RFT1: variants seen among roughly 807,000 people sequenced by gnomAD.
The protein encoded by RFT1 is RFT1 glycolipid translocator homolog.
RFT1 carries 43 observed loss-of-function variants against 62.2 expected under a neutral mutation model. The observed-to-expected ratio is 0.69, with a 90% CI of 0.54 to 0.89. RFT1 has a LOEUF of 0.89. Among genes scored for constraint, RFT1 ranks in the 40% least tolerant of loss-of-function variants. The pLI, the probability that RFT1 is intolerant of heterozygous loss-of-function variation, is 0.00. For missense variants in RFT1, 605 were observed against 649.9 expected, an observed-to-expected ratio of 0.93 and a Z score of 0.75; for synonymous variants, 262 against 264.6, an observed-to-expected ratio of 0.99 and a Z score of 0.10.
chr3:53,072,978 T>TG, the RFT1 span, among the ~76,000 whole-genome samples: 1 of 152,222 alleles, frequency 6.6e-6, no homozygotes, highest in Non-Finnish European at 1.5e-5. Context: ...AAGCCGAGGC[T>TG]GGCCCCATGA....
intron 9 of RFT1, among the ~76,000 whole-genome samples, chr3:53,104,409 A>G (rs1006318948): frequency 7.2e-5 from 11 of 151,750 alleles, no homozygotes; most frequent in African/African-American, 2.2e-4. Context: ...TTAAATAGAA[A>G]TAGAGAAGGG....
At chr3:53,129,152 A>G (rs1702191284) in intron 1 of RFT1, among the ~76,000 whole-genome samples, 1 of 152,222 alleles carries the variant, frequency 6.6e-6, no homozygotes, top group African/African-American at 2.4e-5. Flanking sequence ...AATGGCTAAC[A>G]TTTACTAAGC....
At chr3:53,128,860 G>C (rs765218882) in intron 1 of RFT1, among the ~76,000 whole-genome samples, 2 of 152,152 alleles carry the variant, frequency 1.3e-5, no homozygotes, top group Non-Finnish European at 2.9e-5. Context: ...TAAATTATTT[G>C]ACACTAAAAA....
rs1323482757 is a variant in RFT1, at chr3:53,090,620, G to A, written c.*1283C>T. 1 of 152,214 alleles carries A rather than the reference G, an allele frequency of 6.6e-6. No individual in the cohort carries two copies. The highest frequency in any genetic ancestry group is 1.5e-5 in the Non-Finnish European group (1 of 68,054). The allele number at this position is 152,214 out of a possible 1,614,324, so 9.4% of individuals were successfully genotyped here. ...CAGATTTAAATACATGCATTTTAAT[G>A]CATGATAGGAGTTGCCCTTACTGGC... On this transcript the variant is annotated 3_prime_UTR_variant, in exon 13 of 13. Transcript: ENST00000296292.
chr3:53,126,095 T>C, intron 1 of RFT1, 101 bp from the exon 2 acceptor site: 2 of 941,600 alleles, frequency 2.1e-6, no homozygotes, highest in South Asian at 2.8e-5. Context: ...TGTGATGTAA[T>C]GACATACAGC....
At chr3:53,105,616 C>T (rs1477052316) in intron 9 of RFT1, 57 bp downstream of exon 9, 11 of 1,590,782 alleles carry the variant, frequency 6.9e-6, no homozygotes, top group Non-Finnish European at 8.6e-6. Context: ...ACACTCCTGT[C>T]TGTCTTGCAA....
chr3:53,122,303 A>C, intron 4 of RFT1, 71 bp downstream of exon 4: 1 of 1,423,726 alleles, frequency 7.0e-7, no homozygotes, highest in South Asian at 1.2e-5. Flanking sequence ...CTCTCCTATA[A>C]AAGCATTTTT....
chr3:53,104,031 T>G lies in RFT1; in HGVS notation c.1024A>C (p.Thr342Pro). ...TAGGCAAAGCCAAAAACAGTGATGG[T>G]CAGGCCGGCCAGCAGGGCCAGCTTG... ...LLKLALLAGL[T>P]ITVFGFAYSQ... The change falls in exon 10 of 13, where the codon ACC (threonine) becomes CCC (proline). Residue 342 changes from threonine to proline, a missense_variant. By Grantham distance (38) the Thr-to-Pro change is conservative. Coordinates refer to ENST00000296292, the MANE Select transcript of RFT1 (RefSeq NM_052859.4). 1.9e-6 allele frequency: 3 copies of G among 1,614,146 alleles called. No homozygotes were observed. The highest frequency in any genetic ancestry group is 2.5e-6 in the Non-Finnish European group (3 of 1,180,022).
rs554913877 is a variant in RFT1 at position 53,098,135 on chromosome 3, G to A, written c.1208+1246C>T. Among the ~76,000 whole-genome samples, 5 of 152,340 alleles carry A rather than the reference G, an allele frequency of 3.3e-5. No homozygotes were observed. The East Asian group carries it at 5.8e-4, about 18-fold the overall frequency. The stretch of plus-strand genomic sequence containing the variant: ...AGTGCGTCCTAGGTCACAGTGCTCC[G>A]TGTCGTTTTTACTGTGAAAGCTGGT... On this transcript the variant is annotated intron_variant, in intron 11 of 12. Coordinates refer to ENST00000296292, the MANE Select transcript of RFT1 (RefSeq NM_052859.4).
chr3:53,074,897 C>T, the RFT1 span, among the ~76,000 whole-genome samples: 77 of 152,222 alleles, frequency 5.1e-4, no homozygotes, highest in Admixed American at 1.8e-3. Flanking sequence ...GGGTCTAGCC[C>T]GTGGGGAGAA....
At chr3:53,122,233 T>C in intron 4 of RFT1, 141 bp downstream of exon 4, 3 of 830,526 alleles carry the variant, frequency 3.6e-6, no homozygotes, top group Non-Finnish European at 6.1e-6. Context: ...AGAACTTAAC[T>C]GACCATGTTA....
intron 6 of RFT1, among the ~76,000 whole-genome samples, chr3:53,114,589 A>G (rs1701741694): frequency 6.6e-6 from 1 of 152,108 alleles, no homozygotes; most frequent in South Asian, 2.1e-4. Flanking sequence ...TTACCATTCT[A>G]TTCAGAATGG....
At chr3:53,069,669 C>T in the RFT1 span, among the ~76,000 whole-genome samples, 2 of 152,198 alleles carry the variant, frequency 1.3e-5, no homozygotes, top group Non-Finnish European at 2.9e-5. Flanking sequence ...AGTGCCTATG[C>T]TGGGGGTGGG....
chr3:53,081,346 G>C, the RFT1 span, among the ~76,000 whole-genome samples: 1 of 152,204 alleles, frequency 6.6e-6, no homozygotes, highest in Admixed American at 6.5e-5. Context: ...TAGGGGTGAG[G>C]GTGGAGAGGA....
downstream of RFT1, among the ~76,000 whole-genome samples, chr3:53,083,819 T>G (rs765646906): frequency 6.6e-6 from 1 of 152,234 alleles, no homozygotes; most frequent in Non-Finnish European, 1.5e-5. Context: ...CATCTGCACA[T>G]CTGCGAGAAC....
chr3:53,092,270 G>A (rs889432933), intron 12 of RFT1, 99 bp downstream of exon 12: 1 of 1,518,894 alleles, frequency 6.6e-7, no homozygotes, highest in Non-Finnish European at 8.9e-7. Flanking sequence ...GCCTGGGGAG[G>A]GGACAGGAGG....
chr3:53,114,330 GA>G (rs1434519646), intron 6 of RFT1, among the ~76,000 whole-genome samples: 1 of 152,186 alleles, frequency 6.6e-6, no homozygotes, highest in East Asian at 1.9e-4. Flanking sequence ...ATGGATTTGG[GA>G]AGATGATTGA....
At chr3:53,078,713 G>A in the RFT1 span, among the ~76,000 whole-genome samples, 2 of 152,176 alleles carry the variant, frequency 1.3e-5, no homozygotes, top group Non-Finnish European at 2.9e-5. Context: ...CTGCACTCCA[G>A]CCCAGGCAGC....
downstream of RFT1, among the ~76,000 whole-genome samples, chr3:53,083,799 C>T (rs1353890869): frequency 6.6e-6 from 1 of 152,246 alleles, no homozygotes; most frequent in Non-Finnish European, 1.5e-5. Context: ...TGTGGCCCCC[C>T]ACAGCCCGAC....
Sources: gnomAD v4.1 joint callset for allele counts (sites outside exome capture counted in the v4.1 genomes callset) on GRCh38, gnomAD v4.1.1 for gene constraint, MANE v1.5 for transcripts, NCBI Gene and HGNC (gene_info 2026-07-23, HGNC 2026-07-21) for gene names.